Variants in ADAM22 observed in about 807,000 individuals in gnomAD.
ADAM22 encodes disintegrin and metalloproteinase domain-containing protein 22.
A neutral mutation model predicts 144.6 loss-of-function variants in ADAM22; 65 were observed. The observed-to-expected ratio is 0.45, with a 90% CI of 0.37 to 0.55. The LOEUF (loss-of-function observed/expected upper bound fraction) is 0.55. Ranked by LOEUF, ADAM22 falls within the 20% of genes least tolerant of loss-of-function variation. The pLI is 0.00. For synonymous variants in ADAM22, 391 were observed against 412.6 expected, an observed-to-expected ratio of 0.95 and a Z score of 0.63; for missense variants, 974 against 1,184.9, an observed-to-expected ratio of 0.82 and a Z score of 2.61.
intron 14 of ADAM22, among the ~76,000 whole-genome samples, chr7:88,137,585 T>C (rs548494808): frequency 6.6e-6 from 1 of 152,312 alleles, no homozygotes; most frequent in South Asian, 2.1e-4. Context: ...TTTCTCTATC[T>C]AACCAGATTT....
Position 88,117,958 on chromosome 7 carries a change from G to T in ADAM22, c.607+1144G>T, listed in dbSNP as rs1439163205. On this transcript the variant is annotated intron_variant, in intron 7 of 31. Coordinates refer to ENST00000413139, the MANE Select transcript of ADAM22 (RefSeq NM_001324418.2). ...TCCACCTGCCTCGGCCTCCCAAAGT[G>T]CTGGGTTTACAGGCGTGAGCCACTG... Among the ~76,000 whole-genome samples the T allele has an allele frequency of 3.3e-5, 5 of 152,228 alleles. No homozygotes were observed. In the East Asian group the frequency reaches 5.8e-4, roughly 18 times the overall value.
chr7:88,196,631 G>A lies in ADAM22; in HGVS notation c.*140G>A, dbSNP rs747211928. 3.9e-5 allele frequency: 35 copies of A among 886,818 alleles called. No homozygotes were observed. The highest frequency in any genetic ancestry group is 2.2e-4 in the African/African-American group (13 of 59,936). The allele number at this position is 886,818 out of a possible 1,614,324, so 54.9% of individuals were successfully genotyped here. A position where few individuals can be genotyped will look rare whatever the true frequency, so the allele number is the denominator to read the frequency against. ...TGAGATGCTACAGAGGAGAGGAAGC[G>A]GAGTTTCACATCTGGTTACCATTTT... On this transcript the variant is annotated 3_prime_UTR_variant, in exon 32 of 32. Transcript: ENST00000413139.
chr7:88,156,090 T>A, intron 22 of ADAM22, 84 bp downstream of exon 22: 2 of 1,490,764 alleles, frequency 1.3e-6, no homozygotes, highest in Non-Finnish European at 1.8e-6. Context: ...TTTCAATTAA[T>A]GTACATGTTA....
chr7:88,161,604 A>T (rs1841660180), intron 22 of ADAM22, among the ~76,000 whole-genome samples: 1 of 152,184 alleles, frequency 6.6e-6, no homozygotes, highest in South Asian at 2.1e-4. Context: ...TCTATGAGGA[A>T]CTTAAATTTA....
intron 2 of ADAM22, among the ~76,000 whole-genome samples, chr7:87,966,721 G>GTTGTT (rs1849131809): frequency 2.5e-5 from 1 of 39,882 alleles, no homozygotes; most frequent in Non-Finnish European, 4.0e-5. Flanking sequence ...AAGGAAAGCC[G>GTTGTT]TTTTTTTTTT....
At chr7:87,948,658 A>G (rs1367027442) in intron 2 of ADAM22, among the ~76,000 whole-genome samples, 3 of 151,938 alleles carry the variant, frequency 2.0e-5, no homozygotes, top group African/African-American at 7.3e-5. Context: ...TTGCTACAGG[A>G]TTCATATTCA....
chr7:88,181,475 T>C, intron 27 of ADAM22, 30 bp from the exon 28 acceptor site: 1 of 1,589,174 alleles, frequency 6.3e-7, no homozygotes. Flanking sequence ...GTTACATTTT[T>C]GAACAATTTA....
intron 2 of ADAM22, among the ~76,000 whole-genome samples, chr7:87,951,063 C>T (rs1844991655): frequency 6.6e-6 from 1 of 152,070 alleles, no homozygotes; most frequent in Non-Finnish European, 1.5e-5. Context: ...GAGTAGGTTG[C>T]AAAAATTTTC....
At chr7:88,058,731 A>G (rs13245672) in intron 3 of ADAM22, among the ~76,000 whole-genome samples, 11,741 of 152,228 alleles carry the variant, frequency 0.077, 742 homozygotes, top group Non-Finnish European at 0.11. Context: ...AAAGCTAACT[A>G]TTGCACTTCC....
intron 3 of ADAM22, among the ~76,000 whole-genome samples, chr7:87,992,396 A>AG (rs1342116298): frequency 6.6e-6 from 1 of 152,204 alleles, no homozygotes; most frequent in Non-Finnish European, 1.5e-5. Context: ...GCACTAACAA[A>AG]GGGGGACTTC....
chr7:87,976,870 C>CCT (rs1554367220), intron 2 of ADAM22, among the ~76,000 whole-genome samples: 9 of 130,418 alleles, frequency 6.9e-5, no homozygotes, highest in African/African-American at 2.4e-4. Context: ...TTTTTTATTT[C>CCT]TTTTTTTTTT....
chr7:88,160,751 G>A (rs148478510), intron 22 of ADAM22, among the ~76,000 whole-genome samples: 2 of 152,228 alleles, frequency 1.3e-5, no homozygotes, highest in South Asian at 2.1e-4. Context: ...TTAAGAAAAT[G>A]TGGCACATAT....
chr7:88,011,908 C>T (rs1407837712), intron 3 of ADAM22, among the ~76,000 whole-genome samples: 1 of 152,070 alleles, frequency 6.6e-6, no homozygotes, highest in Non-Finnish European at 1.5e-5. Flanking sequence ...AAATTCTTGA[C>T]TGTTATGATT....
chr7:87,948,702 T>C (rs1392291320), intron 2 of ADAM22, among the ~76,000 whole-genome samples: 1 of 152,210 alleles, frequency 6.6e-6, no homozygotes, highest in Non-Finnish European at 1.5e-5. Flanking sequence ...TTTATAGGTA[T>C]TCTAAAAGTA....
chr7:87,936,379 G>A (rs1841253437), intron 2 of ADAM22, among the ~76,000 whole-genome samples: 1 of 151,994 alleles, frequency 6.6e-6, no homozygotes, highest in South Asian at 2.1e-4. Context: ...ATTTTGACTC[G>A]TTTCAATGGT....
intron 15 of ADAM22, 22 bp from the exon 16 acceptor site, chr7:88,145,103 C>A (rs1440815384): frequency 6.2e-7 from 1 of 1,608,088 alleles, no homozygotes; most frequent in Non-Finnish European, 8.5e-7. Flanking sequence ...TATTTTAGTT[C>A]ACTTTTTGGT....
At chr7:88,130,492 A>G in intron 10 of ADAM22, 33 bp downstream of exon 10, 2 of 1,574,556 alleles carry the variant, frequency 1.3e-6, no homozygotes, top group Non-Finnish European at 8.7e-7. Context: ...ATTGCCCTAG[A>G]AGATTCTTAT....
At chr7:88,006,403 A>G (rs1793861116) in intron 3 of ADAM22, among the ~76,000 whole-genome samples, 1 of 152,058 alleles carries the variant, frequency 6.6e-6, no homozygotes, top group Non-Finnish European at 1.5e-5. Flanking sequence ...TCATTTTATG[A>G]GGCCAGCATC....
intron 4 of ADAM22, among the ~76,000 whole-genome samples, chr7:88,088,005 T>C (rs1366816828): frequency 6.6e-6 from 1 of 152,132 alleles, no homozygotes; most frequent in Non-Finnish European, 1.5e-5. Flanking sequence ...CGGGCCACCA[T>C]TGAAGTCTGG....
Sources: allele counts gnomAD v4.1 joint callset (sites outside exome capture counted in the v4.1 genomes callset), GRCh38; gene constraint gnomAD v4.1.1; transcripts MANE v1.5; gene names NCBI Gene and HGNC (gene_info 2026-07-23, HGNC 2026-07-21).